The following ATF6B variants were observed in gnomAD, a reference collection of about 807,000 sequenced individuals.
ATF6B encodes the protein activating transcription factor 6 beta.
In ATF6B, 50 loss-of-function variants were observed where a neutral mutation model predicts 83.5. The observed-to-expected ratio is 0.60, with a 90% confidence interval of 0.48 to 0.76. The LOEUF is 0.76. ATF6B is among the 30% of genes least tolerant of loss of function. ATF6B has a pLI of 0.00. For synonymous variants in ATF6B, 344 were observed against 362.8 expected, an observed-to-expected ratio of 0.95 and a Z score of 0.59; for missense variants, 790 against 893.8, an observed-to-expected ratio of 0.88 and a Z score of 1.48.
intron 4 of ATF6B, 76 bp downstream of exon 4, chr6:32,127,027 T>C: frequency 7.8e-7 from 1 of 1,290,120 alleles, no homozygotes; most frequent in African/African-American, 1.5e-5. Context: ...TTTAAATCAT[T>C]TCTTTGTCAC....
At position 32,115,419 on chromosome 6, in the gene ATF6B, C is replaced by A. The variant is rs1482168557; in HGVS notation, c.*320G>T. On this transcript the variant is annotated 3_prime_UTR_variant, in exon 18 of 18. Transcript: ENST00000375203. ...TTGTCCCACCTGGGGACTAAATTCC[C>A]ACCTCCACTGCCATAACACTAGAGA... The A allele has an allele frequency of 6.0e-6, 1 of 167,238 alleles. No homozygotes were observed. Among genetic ancestry groups the A allele is most frequent in the Middle Eastern group, 2.4e-3 (1 of 414 alleles). 10.4% of individuals were successfully genotyped at this position (167,238 alleles called of 1,614,324 possible). A position where few individuals can be genotyped will look rare whatever the true frequency, so the allele number is the denominator to read the frequency against.
Position 32,119,124 on chromosome 6 carries a change from C to T in ATF6B, c.984G>A (p.Arg328=). ...PPEVDAKLLK[R]QQRMIKNRES... Reference sequence around the variant, plus strand: ...CCCGGTTCTTGATCATTCGCTGCTGCCGCTTCAGCAGCTTTGCCTAGGCAC... The same window carrying T: ...CCCGGTTCTTGATCATTCGCTGCTGTCGCTTCAGCAGCTTTGCCTAGGCAC... The change falls in exon 10 of 18, where the codon CGG becomes CGA. Residue 328 remains arginine (R), a synonymous_variant. Transcript: ENST00000375203. This position sits in a 1 kb window ranked among gnomAD's most constrained non-coding sequence, Gnocchi z 4.9. 6.2e-7 allele frequency: 1 copy of T among 1,611,274 alleles called. No homozygotes were observed. Among genetic ancestry groups the T allele is most frequent in the East Asian group, 2.2e-5 (1 of 44,852 alleles).
chr6:32,127,885 A>T, intron 1 of ATF6B, 135 bp from the exon 2 acceptor site: 2 of 1,071,494 alleles, frequency 1.9e-6, no homozygotes, highest in Non-Finnish European at 2.7e-6. Flanking sequence ...TGATACAACC[A>T]GGGCGCTTCA....
chr6:32,125,822 G>A lies in ATF6B; in HGVS notation c.478+295C>T, dbSNP rs1781949643. Reference sequence around the variant, plus strand: ...GGAGGGGAATCACACAGATACATATGCCCTAAACTGCTCACAAGTTTTTAA... The same window carrying A: ...GGAGGGGAATCACACAGATACATATACCCTAAACTGCTCACAAGTTTTTAA... On this transcript the variant is annotated intron_variant, in intron 5 of 17. Coordinates refer to ENST00000375203, the MANE Select transcript of ATF6B (RefSeq NM_004381.5). This position sits in a 1 kb window ranked among gnomAD's most constrained non-coding sequence, Gnocchi z 4.1. 6.6e-6 allele frequency among the ~76,000 whole-genome samples: 1 copy of A among 152,108 alleles called. No homozygotes were observed.
rs1432871130 is a variant in ATF6B at position 32,119,181 on chromosome 6, T to G, written c.967-40A>C. On this transcript the variant is annotated intron_variant, in intron 9 of 17. Transcript: ENST00000375203. The surrounding 1 kb of genome is among the most constrained non-coding windows in gnomAD (Gnocchi z 4.9). Reference sequence around the variant, plus strand: ...GGTCAAAAAAGAATGACAGATGAGTTGGCAGAAGGAGACTATGCTCTCAAA... The same window carrying G: ...GGTCAAAAAAGAATGACAGATGAGTGGGCAGAAGGAGACTATGCTCTCAAA... 1 of 1,573,382 alleles carries G rather than the reference T, an allele frequency of 6.4e-7. No homozygotes were observed. Among genetic ancestry groups the G allele is most frequent in the Non-Finnish European group, 8.6e-7 (1 of 1,163,266 alleles).
Position 32,118,061 on chromosome 6 carries a change from C to A in ATF6B, c.1245-23G>T, listed in dbSNP as rs1348131586. 2 of 1,613,776 alleles carry A rather than the reference C, an allele frequency of 1.2e-6. No homozygotes were observed. Among genetic ancestry groups the A allele is most frequent in the Non-Finnish European group, 1.7e-6 (2 of 1,179,898 alleles). The stretch of plus-strand genomic sequence containing the variant: ...ATGCTGTGGATAAAGAAGGACTGAG[C>A]ACAATGAAGAATTTCAGCTGTATCA... On this transcript the variant is annotated intron_variant, in intron 11 of 17. Transcript: ENST00000375203. This position sits in a 1 kb window ranked among gnomAD's most constrained non-coding sequence, Gnocchi z 5.2.
chr6:32,119,284 T>C lies in ATF6B; in HGVS notation c.967-143A>G. On this transcript the variant is annotated intron_variant, in intron 9 of 17. Coordinates refer to ENST00000375203, the MANE Select transcript of ATF6B (RefSeq NM_004381.5). This position sits in a 1 kb window ranked among gnomAD's most constrained non-coding sequence, Gnocchi z 4.9. The stretch of plus-strand genomic sequence containing the variant: ...ACCCACCTACATAGCCAGAGAGGTT[T>C]TTCCTCTCTACTCAAACACGCTAGG... 2 of 975,060 alleles carry C rather than the reference T, an allele frequency of 2.1e-6. No individual in the cohort carries two copies. Among genetic ancestry groups the C allele is most frequent in the Non-Finnish European group, 2.9e-6 (2 of 681,590 alleles). 60.4% of individuals were successfully genotyped at this position (975,060 alleles called of 1,614,324 possible).
At chr6:32,123,256 G>C (rs775948335) in intron 5 of ATF6B, among the ~76,000 whole-genome samples, 1,602 of 140,740 alleles carry the variant, frequency 0.011, 20 homozygotes, top group Non-Finnish European at 0.019. Flanking sequence ...AAAAAAAAGG[G>C]AACTATTTAA....
chr6:32,119,704 G>T lies in ATF6B; in HGVS notation c.966+120C>A. 7.0e-7 allele frequency: 1 copy of T among 1,425,512 alleles called. No homozygotes were observed. The highest frequency in any genetic ancestry group is 9.5e-7 in the Non-Finnish European group (1 of 1,049,836). The allele number at this position is 1,425,512 out of a possible 1,614,324, so 88.3% of individuals were successfully genotyped here. A position where few individuals can be genotyped will look rare whatever the true frequency, so the allele number is the denominator to read the frequency against. Reference sequence around the variant, plus strand: ...ACCCTCAGAATGATCTAATGGGTCCGTTTCCTCACTTTTTTCTCCTAGGTA... The same window carrying T: ...ACCCTCAGAATGATCTAATGGGTCCTTTTCCTCACTTTTTTCTCCTAGGTA... On this transcript the variant is annotated intron_variant, in intron 9 of 17. Coordinates refer to ENST00000375203, the MANE Select transcript of ATF6B (RefSeq NM_004381.5). The surrounding 1 kb of genome is among the most constrained non-coding windows in gnomAD (Gnocchi z 4.9).
At position 32,116,568 on chromosome 6, in the gene ATF6B, G is replaced by C; in HGVS notation, c.1798-4C>G. On this transcript the variant is annotated splice_region_variant and splice_polypyrimidine_tract_variant and intron_variant, in intron 16 of 17. Coordinates refer to ENST00000375203, the MANE Select transcript of ATF6B (RefSeq NM_004381.5). This position sits in a 1 kb window ranked among gnomAD's most constrained non-coding sequence, Gnocchi z 5.1. ...TGGCTGGGAGCAGCAGGTGGTCCTGGGGAACAGATGGGCCAGGCCAGAAGG... is the reference window on the plus strand; with the variant it reads ...TGGCTGGGAGCAGCAGGTGGTCCTGCGGAACAGATGGGCCAGGCCAGAAGG... 6.3e-7 allele frequency: 1 copy of C among 1,596,960 alleles called. No individual in the cohort carries two copies. Among genetic ancestry groups the C allele is most frequent in the South Asian group, 1.1e-5 (1 of 88,152 alleles).
At position 32,118,918 on chromosome 6, in the gene ATF6B, G is replaced by A; in HGVS notation, c.1152+38C>T. 6.2e-7 allele frequency: 1 copy of A among 1,614,120 alleles called. No homozygotes were observed. Among genetic ancestry groups the A allele is most frequent in the Non-Finnish European group, 8.5e-7 (1 of 1,179,986 alleles). ...AAAGGGGAATCATTCCAAGGAGGCT[G>A]TATTCCTGTTGGTCTCCCAGGGACA... On this transcript the variant is annotated intron_variant, in intron 10 of 17. Coordinates refer to ENST00000375203, the MANE Select transcript of ATF6B (RefSeq NM_004381.5). The surrounding 1 kb of genome is among the most constrained non-coding windows in gnomAD (Gnocchi z 5.2).
chr6:32,117,138 A>G lies in ATF6B; in HGVS notation c.1615-31T>C. On this transcript the variant is annotated intron_variant, in intron 14 of 17. Transcript: ENST00000375203. The surrounding 1 kb of genome is among the most constrained non-coding windows in gnomAD (Gnocchi z 5.0). ...AGGAGAAGTATCTAAGGACTTGGAG[A>G]GGGTGAAGGGAAAAGGGAAAGAGAC... 6.2e-7 allele frequency: 1 copy of G among 1,607,512 alleles called. No homozygotes were observed. The highest frequency in any genetic ancestry group is 8.5e-7 in the Non-Finnish European group (1 of 1,174,266).
Position 32,117,927 on chromosome 6 carries a change from T to C in ATF6B, c.1356A>G (p.Glu452=), listed in dbSNP as rs1781599870. ...GGCCCTGGGAGGACCCCTGGAGAGG[T>C]TCAACTCCCTGAACTGGCTCTTGCT... is the stretch of plus-strand genomic sequence containing the variant. ...FSEQEPVQGV[E]PLQGSSQGPK... is the part of the protein sequence containing the mutation. Residue 452 remains glutamate, a synonymous_variant, in exon 12 of 18, where the codon GAA becomes GAG. Transcript: ENST00000375203. This position sits in a 1 kb window ranked among gnomAD's most constrained non-coding sequence, Gnocchi z 5.0. The C allele has an allele frequency of 6.2e-7, 1 of 1,609,364 alleles. No individual in the cohort carries two copies. The highest frequency in any genetic ancestry group is 1.1e-5 in the South Asian group (1 of 90,298).
At position 32,120,797 on chromosome 6, in the gene ATF6B, A is replaced by G; in HGVS notation, c.806T>C (p.Leu269Pro). ...TGGGGGTGGCTGGACGAGGGACTGCAGAAGGACTGTGGTGCTGGGAGGCAC... is the reference window on the plus strand; with the variant it reads ...TGGGGGTGGCTGGACGAGGGACTGCGGAAGGACTGTGGTGCTGGGAGGCAC... ...RAVPPSTTVL[L>P]QSLVQPPPVS... The change falls in exon 8 of 18, where the codon CTG becomes CCG. Residue 269 changes from leucine (L) to proline (P), a missense_variant. Around this residue, in one of 3 missense-constraint regions of ATF6B, gnomAD observed 530 missense variants for 632.6 expected, o/e 0.84. Coordinates refer to ENST00000375203, the MANE Select transcript of ATF6B (RefSeq NM_004381.5). 1 of 1,610,838 alleles carries G rather than the reference A, an allele frequency of 6.2e-7. No homozygotes were observed. The highest frequency in any genetic ancestry group is 8.5e-7 in the Non-Finnish European group (1 of 1,178,218).
Position 32,117,564 on chromosome 6 carries a change from T to A in ATF6B, c.1532+23A>T, listed in dbSNP as rs1359396302. ...GCCTTGGGAGGCCGGGGGAGCTGGATGCCCCAGCAATGAATCCCACACCTC... is the reference window on the plus strand; with the variant it reads ...GCCTTGGGAGGCCGGGGGAGCTGGAAGCCCCAGCAATGAATCCCACACCTC... On this transcript the variant is annotated intron_variant, in intron 13 of 17. Coordinates refer to ENST00000375203, the MANE Select transcript of ATF6B (RefSeq NM_004381.5). This position sits in a 1 kb window ranked among gnomAD's most constrained non-coding sequence, Gnocchi z 5.0. 6.2e-7 allele frequency: 1 copy of A among 1,610,650 alleles called. No individual in the cohort carries two copies. The highest frequency in any genetic ancestry group is 8.5e-7 in the Non-Finnish European group (1 of 1,177,510).
At position 32,116,646 on chromosome 6, in the gene ATF6B, T is replaced by C; in HGVS notation, c.1797+58A>G. On this transcript the variant is annotated intron_variant, in intron 16 of 17. Transcript: ENST00000375203. This position sits in a 1 kb window ranked among gnomAD's most constrained non-coding sequence, Gnocchi z 5.1. Reference sequence around the variant, plus strand: ...CCAGCCCTACTCTACATCCCCCCACTGAAGACAGACTGCTGGGAACCTGGG... The same window carrying C: ...CCAGCCCTACTCTACATCCCCCCACCGAAGACAGACTGCTGGGAACCTGGG... The C allele has an allele frequency of 1.2e-6, 2 of 1,606,264 alleles. No individual in the cohort carries two copies. Among genetic ancestry groups the C allele is most frequent in the Non-Finnish European group, 1.7e-6 (2 of 1,173,180 alleles).
At chr6:32,127,776 G>A (rs906216915) in intron 1 of ATF6B, 26 bp from the exon 2 acceptor site, 2 of 1,612,022 alleles carry the variant, frequency 1.2e-6, no homozygotes, top group Admixed American at 1.7e-5. Flanking sequence ...AGCGTCGGGG[G>A]GTCGTTCGGT....
In ATF6B at chr6:32,117,141, G is replaced by T. The variant is rs757711606; in HGVS notation, c.1615-34C>A. 2 of 1,606,874 alleles carry T rather than the reference G, an allele frequency of 1.2e-6. No homozygotes were observed. Among genetic ancestry groups the T allele is most frequent in the African/African-American group, 2.7e-5 (2 of 74,698 alleles). ...AGAAGTATCTAAGGACTTGGAGAGG[G>T]TGAAGGGAAAAGGGAAAGAGACAAA... On this transcript the variant is annotated intron_variant, in intron 14 of 17. Coordinates refer to ENST00000375203, the MANE Select transcript of ATF6B (RefSeq NM_004381.5). This position sits in a 1 kb window ranked among gnomAD's most constrained non-coding sequence, Gnocchi z 5.0.
intron 5 of ATF6B, among the ~76,000 whole-genome samples, chr6:32,121,901 C>G (rs1383374387): frequency 6.6e-6 from 1 of 152,170 alleles, no homozygotes; most frequent in African/African-American, 2.4e-5. Context: ...CTCATCCCTG[C>G]TCCATGTTCC....
Sources: allele counts gnomAD v4.1 joint callset (sites outside exome capture counted in the v4.1 genomes callset), GRCh38; gene constraint gnomAD v4.1.1; regional missense constraint gnomAD v4.1.1; non-coding constraint Gnocchi (gnomAD v3.1); transcripts MANE v1.5; gene names NCBI Gene and HGNC (gene_info 2026-07-23, HGNC 2026-07-21).